The following IMMP2L variants were observed in gnomAD, a reference collection of about 807,000 sequenced individuals.
IMMP2L encodes mitochondrial inner membrane protease subunit 2.
Under a neutral mutation model 19.3 loss-of-function variants are expected in IMMP2L, and 18 were observed. The ratio of observed to expected loss-of-function variants is 0.93; its 90% confidence interval spans 0.64 to 1.38. The LOEUF is 1.38. Ranked by LOEUF, IMMP2L falls within the 40% of genes most tolerant of loss-of-function variation. The pLI is 0.00. For synonymous variants in IMMP2L, 76 were observed against 73.0 expected (o/e 1.04, Z -0.21); for missense variants, 233 against 218.2 (o/e 1.07, Z -0.43).
chr7:111,085,654 T>C (rs189849095), intron 3 of IMMP2L, among the ~76,000 whole-genome samples: 48 of 152,312 alleles, frequency 3.2e-4, no homozygotes, highest in African/African-American at 1.2e-3. Context: ...GTTCATATCC[T>C]TTGACCGCTT....
At chr7:111,098,476 A>G (rs1350177361) in intron 3 of IMMP2L, among the ~76,000 whole-genome samples, 2 of 151,834 alleles carry the variant, frequency 1.3e-5, no homozygotes, top group East Asian at 3.9e-4. Flanking sequence ...AATCAAAGTA[A>G]TGATGAATTA....
chr7:110,715,103 A>G (rs188652304), intron 5 of IMMP2L, among the ~76,000 whole-genome samples: 2 of 151,940 alleles, frequency 1.3e-5, no homozygotes, highest in African/African-American at 4.8e-5. Flanking sequence ...TTTCTGTGGG[A>G]TGTGTTGTAA....
intron 3 of IMMP2L, among the ~76,000 whole-genome samples, chr7:111,182,509 T>TA (rs1807817038): frequency 6.6e-6 from 1 of 151,848 alleles, no homozygotes; most frequent in African/African-American, 2.4e-5. Context: ...GGGGTCAAGA[T>TA]AGAGTTTCTC....
intron 3 of IMMP2L, among the ~76,000 whole-genome samples, chr7:111,302,568 A>C (rs189655388): frequency 3.9e-5 from 6 of 152,114 alleles, no homozygotes; most frequent in Non-Finnish European, 5.9e-5. Flanking sequence ...AGGAGGTGCT[A>C]TTACTGTTCC....
At chr7:111,003,089 C>A (rs576615567) in intron 3 of IMMP2L, among the ~76,000 whole-genome samples, 1 of 152,206 alleles carries the variant, frequency 6.6e-6, no homozygotes, top group East Asian at 1.9e-4. Context: ...TTTCTGCTAG[C>A]ATTATTGTTA....
At chr7:111,237,358 T>G (rs77448331) in intron 3 of IMMP2L, among the ~76,000 whole-genome samples, 1 of 152,102 alleles carries the variant, frequency 6.6e-6, no homozygotes, top group African/African-American at 2.4e-5. Flanking sequence ...CTGTTTTGAT[T>G]TACTGGAAGA....
intron 3 of IMMP2L, among the ~76,000 whole-genome samples, chr7:111,273,864 T>C (rs1818739783): frequency 6.6e-6 from 1 of 152,166 alleles, no homozygotes; most frequent in African/African-American, 2.4e-5. Context: ...TTGATCTTAA[T>C]ACTGAGAGGA....
At chr7:111,436,875 G>A (rs997054677) in intron 3 of IMMP2L, among the ~76,000 whole-genome samples, 1 of 151,676 alleles carries the variant, frequency 6.6e-6, no homozygotes, top group African/African-American at 2.4e-5. Flanking sequence ...AGGTGAAGGG[G>A]GTGCAGGTAT....
chr7:111,458,935 C>G (rs1839906945), intron 3 of IMMP2L, among the ~76,000 whole-genome samples: 2 of 152,124 alleles, frequency 1.3e-5, no homozygotes, highest in South Asian at 4.1e-4. Flanking sequence ...AAACTCAATA[C>G]TTGGGGACAT....
chr7:110,818,233 C>G (rs1351077461), intron 5 of IMMP2L, among the ~76,000 whole-genome samples: 1 of 152,022 alleles, frequency 6.6e-6, no homozygotes, highest in Non-Finnish European at 1.5e-5. Flanking sequence ...GGGCTAATAT[C>G]CAGAATCTAC....
intron 3 of IMMP2L, among the ~76,000 whole-genome samples, chr7:111,049,339 T>G (rs964525369): frequency 3.3e-5 from 5 of 151,636 alleles, no homozygotes; most frequent in African/African-American, 1.2e-4. Context: ...CACTGTGTTA[T>G]CCAGGATGGT....
At chr7:111,256,026 T>C (rs939057049) in intron 3 of IMMP2L, among the ~76,000 whole-genome samples, 1 of 152,080 alleles carries the variant, frequency 6.6e-6, no homozygotes, top group African/African-American at 2.4e-5. Flanking sequence ...TAAATCATAA[T>C]TATCTCTCAA....
intron 3 of IMMP2L, among the ~76,000 whole-genome samples, chr7:111,419,312 C>G (rs1439356605): frequency 6.6e-6 from 1 of 151,546 alleles, no homozygotes; most frequent in African/African-American, 2.4e-5. Flanking sequence ...TCTGATTAGG[C>G]CCTGACTGTT....
chr7:111,107,048 G>C lies in IMMP2L; in HGVS notation c.240-143483C>G, dbSNP rs376403616. ...AACAATCAAAGTTTCTATTAAATCA[G>C]AGAAGAGACAGTTAAGCTGCAATGT... On this transcript the variant is annotated intron_variant, in intron 3 of 5. Coordinates refer to ENST00000405709, the MANE Select transcript of IMMP2L (RefSeq NM_032549.4). Among the ~76,000 whole-genome samples, 9 of 152,022 alleles carry C rather than the reference G, an allele frequency of 5.9e-5. No homozygotes were observed. The East Asian group carries it at 1.5e-3, about 26-fold the overall frequency.
intron 3 of IMMP2L, among the ~76,000 whole-genome samples, chr7:111,325,207 T>C (rs1421222476): frequency 6.6e-6 from 1 of 151,752 alleles, no homozygotes; most frequent in African/African-American, 2.4e-5. Flanking sequence ...TTTGAGCTAA[T>C]TCTTAGAGCT....
intron 3 of IMMP2L, among the ~76,000 whole-genome samples, chr7:111,242,438 A>T (rs1383942678): frequency 2.0e-5 from 3 of 152,128 alleles, no homozygotes; most frequent in African/African-American, 7.2e-5. Flanking sequence ...CAGAGCACAA[A>T]AGAGAACTAC....
intron 5 of IMMP2L, among the ~76,000 whole-genome samples, chr7:110,801,077 G>C (rs968216180): frequency 6.6e-6 from 1 of 152,040 alleles, no homozygotes; most frequent in Non-Finnish European, 1.5e-5. Flanking sequence ...TTTATACATG[G>C]ATGGCAGCAT....
At chr7:110,896,016 C>A (rs1811285564) in intron 4 of IMMP2L, among the ~76,000 whole-genome samples, 3 of 152,066 alleles carry the variant, frequency 2.0e-5, no homozygotes, top group Non-Finnish European at 4.4e-5. Context: ...GAGATGGTGT[C>A]TTGCTATGTT....
chr7:111,132,249 T>C (rs1801919695), intron 3 of IMMP2L, among the ~76,000 whole-genome samples: 1 of 152,012 alleles, frequency 6.6e-6, no homozygotes, highest in East Asian at 1.9e-4. Context: ...GATGGAAGGC[T>C]AGGGACTTTT....
Sources: gnomAD v4.1 joint callset for allele counts (sites outside exome capture counted in the v4.1 genomes callset) on GRCh38, gnomAD v4.1.1 for gene constraint, MANE v1.5 for transcripts, NCBI Gene and HGNC (gene_info 2026-07-23, HGNC 2026-07-21) for gene names.